The following TAFA5 variants were observed in gnomAD, a reference collection of about 807,000 sequenced individuals.
The protein encoded by TAFA5 is TAFA chemokine like family member 5, also known as chemokine-like protein TAFA-5.
In TAFA5, 6 loss-of-function variants were observed where a neutral mutation model predicts 15.3. That is an observed-to-expected ratio of 0.39 (90% CI 0.21 to 0.77). The LOEUF (loss-of-function observed/expected upper bound fraction) is 0.77, where lower values mean the gene tolerates loss of function less well. Among genes scored for constraint, TAFA5 ranks in the 30% least tolerant of loss-of-function variants. TAFA5 has a pLI of 0.41. For synonymous variants in TAFA5, 103 were observed against 80.7 expected, an observed-to-expected ratio of 1.28 and a Z score of -1.48; for missense variants, 161 against 193.1, an observed-to-expected ratio of 0.83 and a Z score of 0.98.
intron 1 of TAFA5, among the ~76,000 whole-genome samples, chr22:48,556,066 C>T (rs1027333670): frequency 2.6e-5 from 4 of 152,222 alleles, no homozygotes; most frequent in Non-Finnish European, 4.4e-5. Flanking sequence ...CTGAACCCCA[C>T]TCCGGGAGGG....
chr22:48,501,820 A>ATCTGTCCCCACTACACCC (rs1920953920), intron 1 of TAFA5, among the ~76,000 whole-genome samples: 1 of 152,162 alleles, frequency 6.6e-6, no homozygotes, highest in Admixed American at 6.5e-5. Flanking sequence ...CGGAGGGTGC[A>ATCTGTCCCCACTACACCC]TCTGTCCCCA....
At chr22:48,616,866 C>T (rs550025896) in intron 1 of TAFA5, among the ~76,000 whole-genome samples, 11 of 152,254 alleles carry the variant, frequency 7.2e-5, no homozygotes, top group Middle Eastern at 3.4e-3. Flanking sequence ...TTGGTGGGCA[C>T]GGCTGGGGTG....
At chr22:48,604,096 G>A (rs1015201886) in intron 1 of TAFA5, among the ~76,000 whole-genome samples, 15 of 152,196 alleles carry the variant, frequency 9.9e-5, no homozygotes, top group African/African-American at 3.1e-4. Flanking sequence ...GCAAGCTACC[G>A]ATGGATGAAT....
chr22:48,517,819 G>A (rs1472137268), intron 1 of TAFA5, among the ~76,000 whole-genome samples: 2 of 152,166 alleles, frequency 1.3e-5, no homozygotes, highest in Non-Finnish European at 2.9e-5. Context: ...CCCTCTGTTG[G>A]TTGCTCCTCC....
intron 2 of TAFA5, among the ~76,000 whole-genome samples, chr22:48,686,375 A>G (rs1928354365): frequency 6.6e-6 from 1 of 152,178 alleles, no homozygotes. Flanking sequence ...TTTGCAGACA[A>G]CTGTCTTCTG....
intron 3 of TAFA5, among the ~76,000 whole-genome samples, chr22:48,747,744 A>T (rs1930368595): frequency 6.6e-6 from 1 of 151,990 alleles, no homozygotes; most frequent in Admixed American, 6.6e-5. Flanking sequence ...TAAAAATATA[A>T]AAATTAGCCC....
At chr22:48,688,173 A>G (rs752229913) in intron 2 of TAFA5, among the ~76,000 whole-genome samples, 14 of 151,878 alleles carry the variant, frequency 9.2e-5, no homozygotes, top group Non-Finnish European at 1.5e-4. Context: ...CGCACCCTTC[A>G]TAAAGGGAGG....
intron 1 of TAFA5, among the ~76,000 whole-genome samples, chr22:48,619,872 C>G (rs567005556): frequency 1.3e-5 from 2 of 152,224 alleles, no homozygotes; most frequent in Non-Finnish European, 2.9e-5. Flanking sequence ...CCCCTGAGAG[C>G]GGCTTCTGCT....
At chr22:48,676,374 A>G (rs1348232670) in intron 2 of TAFA5, among the ~76,000 whole-genome samples, 5 of 152,182 alleles carry the variant, frequency 3.3e-5, no homozygotes, top group African/African-American at 1.2e-4. Context: ...GCCAGCAGAC[A>G]TGCCTCTTAG....
intron 1 of TAFA5, among the ~76,000 whole-genome samples, chr22:48,507,373 G>A (rs1012812363): frequency 2.6e-5 from 4 of 152,202 alleles, no homozygotes; most frequent in Non-Finnish European, 5.9e-5. Context: ...GAGGGCATGA[G>A]TTGAAGCCCT....
At chr22:48,676,962 C>G (rs1341367544) in intron 2 of TAFA5, among the ~76,000 whole-genome samples, 1 of 152,200 alleles carries the variant, frequency 6.6e-6, no homozygotes, top group African/African-American at 2.4e-5. Context: ...CCACTGGGCT[C>G]CCAGGGGCAG....
intron 1 of TAFA5, among the ~76,000 whole-genome samples, chr22:48,499,494 C>T (rs984845588): frequency 1.6e-4 from 24 of 152,318 alleles, no homozygotes; most frequent in South Asian, 4.1e-4. Flanking sequence ...GCGCCTCCCC[C>T]AGCCTAGCAC....
chr22:48,546,613 T>C (rs1306589582), intron 1 of TAFA5: 1 of 470,960 alleles, frequency 2.1e-6, no homozygotes, highest in African/African-American at 2.0e-5. Flanking sequence ...CCTAAAAGGA[T>C]CAAGAGTGCG....
intron 1 of TAFA5, among the ~76,000 whole-genome samples, chr22:48,631,636 G>A (rs1355904010): frequency 6.6e-6 from 1 of 152,236 alleles, no homozygotes; most frequent in African/African-American, 2.4e-5. Context: ...CGTGTTAACT[G>A]CAGAAGAAAT....
Position 48,719,417 on chromosome 22 carries a change from G to A in TAFA5, c.390+11573G>A, listed in dbSNP as rs554855643. 2.0e-5 allele frequency among the ~76,000 whole-genome samples: 3 copies of A among 152,358 alleles called. No individual in the cohort carries two copies. The South Asian group carries it at 6.2e-4, about 32-fold the overall frequency. On this transcript the variant is annotated intron_variant, in intron 3 of 3. Coordinates refer to ENST00000402357, the MANE Select transcript of TAFA5 (RefSeq NM_001082967.3). ...GGAGACTGACTCAGGGAACTGGAGGGAGAGGGAGGCTGAGCTCAGGAAGAG... is the reference window on the plus strand; with the variant it reads ...GGAGACTGACTCAGGGAACTGGAGGAAGAGGGAGGCTGAGCTCAGGAAGAG...
intron 1 of TAFA5, among the ~76,000 whole-genome samples, chr22:48,638,763 A>G (rs976595115): frequency 2.4e-5 from 1 of 42,062 alleles, no homozygotes; most frequent in African/African-American, 1.4e-4. Context: ...CACAGGCGGG[A>G]CCCCCCCCAT....
At chr22:48,543,351 G>C (rs1216210078) in intron 1 of TAFA5, 1 of 152,190 alleles carries the variant, frequency 6.6e-6, no homozygotes, top group African/African-American at 2.4e-5. Flanking sequence ...TGTAATCACG[G>C]CAATGAAGCA....
At chr22:48,644,360 G>A (rs896004084) in intron 1 of TAFA5, among the ~76,000 whole-genome samples, 7 of 152,306 alleles carry the variant, frequency 4.6e-5, no homozygotes, top group South Asian at 2.1e-4. Flanking sequence ...CCGCAGCCAC[G>A]CACCAGCCAT....
intron 3 of TAFA5, among the ~76,000 whole-genome samples, chr22:48,714,066 G>T (rs964534682): frequency 8.5e-5 from 13 of 152,244 alleles, no homozygotes; most frequent in Non-Finnish European, 1.5e-4. Context: ...CCCGTGCCAG[G>T]CCCTCGCCCA....
Sources: allele counts gnomAD v4.1 joint callset (sites outside exome capture counted in the v4.1 genomes callset), GRCh38; gene constraint gnomAD v4.1.1; transcripts MANE v1.5; gene names NCBI Gene and HGNC (gene_info 2026-07-23, HGNC 2026-07-21).